SYNPR: variants seen among roughly 807,000 people sequenced by gnomAD.
SYNPR encodes synaptoporin.
SYNPR carries 23 observed loss-of-function variants against 32.9 expected under a neutral mutation model. That is an observed-to-expected ratio of 0.70 (90% CI 0.50 to 0.99). The LOEUF (loss-of-function observed/expected upper bound fraction) is 0.99. Among genes scored for constraint, SYNPR ranks in the 50% least tolerant of loss-of-function variants. SYNPR has a pLI of 0.00. For missense variants in SYNPR, 318 were observed against 349.3 expected (o/e 0.91, Z 0.71); for synonymous variants, 146 against 135.9 (o/e 1.07, Z -0.52).
At chr3:63,302,083 T>A (rs528483158) in intron 2 of SYNPR, among the ~76,000 whole-genome samples, 21 of 152,102 alleles carry the variant, frequency 1.4e-4, no homozygotes, top group African/African-American at 5.1e-4. Context: ...CCATTCCTCA[T>A]CAGCATCTCG....
chr3:63,396,076 G>A (rs1315833222), intron 2 of SYNPR, among the ~76,000 whole-genome samples: 1 of 152,122 alleles, frequency 6.6e-6, no homozygotes, highest in Non-Finnish European at 1.5e-5. Context: ...TTGAACTCTT[G>A]ACCAGACAGA....
In SYNPR at chr3:63,595,902, TAG is replaced by T; in HGVS notation, c.409-13222_409-13221del. 6.4e-5 allele frequency among the ~76,000 whole-genome samples: 6 copies of T among 93,478 alleles called. 1 individual carries two copies. The highest frequency in any genetic ancestry group is 4.3e-5 in the Non-Finnish European group (2 of 46,180). The allele number at this position is 93,478 out of a possible 152,430, so 61.3% of individuals were successfully genotyped here. ...TTATATATATATAGTTTTATATATA[TAG>T]TTATATATATATAGTTTTATATATA... On this transcript the variant is annotated intron_variant, in intron 4 of 5. Coordinates refer to ENST00000478300, the MANE Select transcript of SYNPR (RefSeq NM_001130003.2).
chr3:63,579,803 ACAC>A (rs754920972), intron 4 of SYNPR, among the ~76,000 whole-genome samples: 1 of 151,490 alleles, frequency 6.6e-6, no homozygotes, highest in Non-Finnish European at 1.5e-5. Flanking sequence ...ACACACACAC[ACAC>A]ACACACACAC....
At chr3:63,432,652 C>T (rs890055381) in intron 2 of SYNPR, among the ~76,000 whole-genome samples, 2 of 152,170 alleles carry the variant, frequency 1.3e-5, no homozygotes, top group East Asian at 3.9e-4. Flanking sequence ...GAGGCAGACC[C>T]AGATAAGAAA....
chr3:63,230,651 G>A (rs12494829), intron 1 of SYNPR, among the ~76,000 whole-genome samples: 32,483 of 152,090 alleles, frequency 0.21, 4,410 homozygotes, highest in Admixed American at 0.32. Context: ...TTTGCCTACC[G>A]GGATTTGAGT....
chr3:63,535,151 C>T (rs1559528988), intron 3 of SYNPR, among the ~76,000 whole-genome samples: 1 of 152,086 alleles, frequency 6.6e-6, no homozygotes, highest in Non-Finnish European at 1.5e-5. Context: ...TAAATACACT[C>T]TGCATACATG....
At chr3:63,206,413 G>T in the SYNPR span, among the ~76,000 whole-genome samples, 1 of 152,052 alleles carries the variant, frequency 6.6e-6, no homozygotes, top group Non-Finnish European at 1.5e-5. Flanking sequence ...AGGAGTTAGA[G>T]ACCAGCCTGT....
At chr3:63,269,106 T>C (rs2086513345) in intron 3 of SYNPR, among the ~76,000 whole-genome samples, 1 of 152,178 alleles carries the variant, frequency 6.6e-6, no homozygotes, top group Non-Finnish European at 1.5e-5. Context: ...TGCTTATGAA[T>C]AAAAAAATTA....
At chr3:63,595,720 TATA>T (rs1699923412) in intron 4 of SYNPR, among the ~76,000 whole-genome samples, 10 of 9,750 alleles carry the variant, frequency 1.0e-3, no homozygotes, top group Non-Finnish European at 5.4e-3. Flanking sequence ...TCTTATTTTA[TATA>T]TATATATATA....
At chr3:63,477,439 G>C (rs1449443242) in intron 2 of SYNPR, among the ~76,000 whole-genome samples, 1 of 152,198 alleles carries the variant, frequency 6.6e-6, no homozygotes, top group African/African-American at 2.4e-5. Flanking sequence ...GTCATGCTCA[G>C]GGTCAGGTTC....
chr3:63,597,987 A>C (rs1699986036), intron 4 of SYNPR, among the ~76,000 whole-genome samples: 1 of 152,156 alleles, frequency 6.6e-6, no homozygotes, highest in Admixed American at 6.5e-5. Flanking sequence ...AAATTCTTGG[A>C]GGCTGAATTA....
At chr3:63,476,337 A>AGGAAGGAAGGAGGGAAG (rs1700920609) in intron 2 of SYNPR, among the ~76,000 whole-genome samples, 2 of 51,546 alleles carry the variant, frequency 3.9e-5, no homozygotes, top group African/African-American at 1.5e-4. Context: ...AAGGAAGGGA[A>AGGAAGGAAGGAGGGAAG]GGAAGGAAGG....
At chr3:63,518,823 T>C (rs567898515) in intron 3 of SYNPR, among the ~76,000 whole-genome samples, 5 of 152,140 alleles carry the variant, frequency 3.3e-5, no homozygotes, top group South Asian at 4.1e-4. Context: ...ATCCCATCAC[T>C]GAGTATATAC....
intron 2 of SYNPR, among the ~76,000 whole-genome samples, chr3:63,380,011 A>G (rs1350588290): frequency 6.6e-6 from 1 of 152,194 alleles, no homozygotes; most frequent in African/African-American, 2.4e-5. Context: ...TGCAAAGGAC[A>G]TGAACTCATC....
At chr3:63,521,791 A>G (rs1418477425) in intron 3 of SYNPR, among the ~76,000 whole-genome samples, 1 of 152,202 alleles carries the variant, frequency 6.6e-6, no homozygotes, top group Non-Finnish European at 1.5e-5. Context: ...CAATTTGAGG[A>G]TAAGTAATAA....
At chr3:63,381,065 G>A (rs537040562) in intron 2 of SYNPR, among the ~76,000 whole-genome samples, 39 of 152,232 alleles carry the variant, frequency 2.6e-4, no homozygotes, top group African/African-American at 8.7e-4. Flanking sequence ...CAGTCGGGCA[G>A]GAGAAAGAAA....
At chr3:63,347,464 A>G (rs2087451977) in intron 2 of SYNPR, among the ~76,000 whole-genome samples, 1 of 152,238 alleles carries the variant, frequency 6.6e-6, no homozygotes, top group African/African-American at 2.4e-5. Flanking sequence ...TGCTAAATAT[A>G]TGCCAATCTT....
the SYNPR span, among the ~76,000 whole-genome samples, chr3:63,201,905 C>G: frequency 6.6e-6 from 1 of 151,252 alleles, no homozygotes; most frequent in East Asian, 1.9e-4. Flanking sequence ...CCCTTTTTTT[C>G]TACTGAATTG....
At chr3:63,615,202 A>G in intron 5 of SYNPR, 22 bp from the exon 6 acceptor site, 5 of 1,609,388 alleles carry the variant, frequency 3.1e-6, no homozygotes, top group Non-Finnish European at 4.2e-6. Flanking sequence ...CTATCAATTC[A>G]TTGGCTTTGA....
Sources: allele counts gnomAD v4.1 joint callset (sites outside exome capture counted in the v4.1 genomes callset), GRCh38; gene constraint gnomAD v4.1.1; transcripts MANE v1.5; gene names NCBI Gene and HGNC (gene_info 2026-07-23, HGNC 2026-07-21).